Variants in CACNB2 observed in about 807,000 individuals in gnomAD.
CACNB2 encodes the protein voltage-dependent L-type calcium channel subunit beta-2.
Under a neutral mutation model 73.3 loss-of-function variants are expected in CACNB2, and 42 were observed. The observed-to-expected ratio is 0.57, with a 90% CI of 0.45 to 0.74. The LOEUF is 0.74. Among genes scored for constraint, CACNB2 ranks in the 30% least tolerant of loss-of-function variants. The pLI is 0.00. For missense variants in CACNB2, 940 were observed against 853.0 expected (o/e 1.10, Z -1.27); for synonymous variants, 348 against 310.3 (o/e 1.12, Z -1.28).
intron 2 of CACNB2, chr10:18,261,172 G>A: frequency 1.9e-6 from 3 of 1,547,570 alleles, no homozygotes; most frequent in Non-Finnish European, 2.6e-6. Flanking sequence ...TTACCTGGGA[G>A]TAGAAGGTGG....
Position 18,539,975 on chromosome 10 carries a change from C to CTGTT in CACNB2, c.*253_*256dup, listed in dbSNP as rs2053979950. The CTGTT allele has an allele frequency of 4.9e-6, 2 of 412,362 alleles. No individual in the cohort carries two copies. The highest frequency in any genetic ancestry group is 8.7e-6 in the Non-Finnish European group (2 of 230,550). 25.5% of individuals were successfully genotyped at this position (412,362 alleles called of 1,614,324 possible). ...GGTTGCATACTGGACTCTTCAAAAA[C>CTGTT]TGTTTTGGGTAGCTGCCACTTGAAC... is the stretch of plus-strand genomic sequence containing the variant. On this transcript the variant is annotated 3_prime_UTR_variant, in exon 14 of 14. Coordinates refer to ENST00000324631, the MANE Select transcript of CACNB2 (RefSeq NM_201596.3).
intron 2 of CACNB2, among the ~76,000 whole-genome samples, chr10:18,352,368 C>T (rs1238934212): frequency 2.0e-5 from 3 of 152,160 alleles, no homozygotes; most frequent in Non-Finnish European, 2.9e-5. Flanking sequence ...ATGAAGATAG[C>T]ACATGTCACC....
At chr10:18,418,494 G>C (rs185446488) in intron 3 of CACNB2, among the ~76,000 whole-genome samples, 1 of 152,290 alleles carries the variant, frequency 6.6e-6, no homozygotes, top group Non-Finnish European at 1.5e-5. Flanking sequence ...TTGAGTCCTC[G>C]TGGATGAACT....
chr10:18,286,824 A>T (rs963139681), intron 2 of CACNB2, among the ~76,000 whole-genome samples: 4 of 152,150 alleles, frequency 2.6e-5, no homozygotes, highest in Non-Finnish European at 2.9e-5. Flanking sequence ...CAGTATTCAT[A>T]TTTTAAAGCA....
chr10:18,384,191 A>C (rs1031453875), intron 2 of CACNB2, among the ~76,000 whole-genome samples: 1 of 152,190 alleles, frequency 6.6e-6, no homozygotes, highest in Admixed American at 6.5e-5. Context: ...TAGGACCAGC[A>C]TATGGTGTCT....
At chr10:18,208,324 T>A (rs76077446) in intron 2 of CACNB2, among the ~76,000 whole-genome samples, 7,431 of 152,134 alleles carry the variant, frequency 0.049, 223 homozygotes, top group African/African-American at 0.069. Flanking sequence ...AACTTTTTTT[T>A]AATTAGTGGA....
intron 2 of CACNB2, among the ~76,000 whole-genome samples, chr10:18,289,468 G>A (rs1407556497): frequency 6.7e-6 from 1 of 149,550 alleles, no homozygotes; most frequent in Admixed American, 6.7e-5. Context: ...CTAATTTTTT[G>A]TATTTTTAGT....
At chr10:18,481,062 T>C (rs1179201170) in intron 3 of CACNB2, among the ~76,000 whole-genome samples, 1 of 151,078 alleles carries the variant, frequency 6.6e-6, no homozygotes, top group Non-Finnish European at 1.5e-5. Context: ...AGGTCTTCCT[T>C]GTTGGCCACA....
chr10:18,472,323 A>G (rs1183561178), intron 3 of CACNB2, among the ~76,000 whole-genome samples: 3 of 139,322 alleles, frequency 2.2e-5, no homozygotes, highest in South Asian at 2.2e-4. Context: ...TGCAACCTCT[A>G]CCTCCTGGGT....
chr10:18,171,388 G>A (rs1007082762), intron 2 of CACNB2, among the ~76,000 whole-genome samples: 7 of 150,168 alleles, frequency 4.7e-5, no homozygotes, highest in Non-Finnish European at 8.9e-5. Flanking sequence ...TGGGCTGGGG[G>A]CAGGATGCTG....
At chr10:18,365,201 C>T (rs1334656096) in intron 2 of CACNB2, among the ~76,000 whole-genome samples, 2 of 152,034 alleles carry the variant, frequency 1.3e-5, no homozygotes, top group African/African-American at 2.4e-5. Flanking sequence ...GTTTCCTGCC[C>T]CTGAGTTTGG....
chr10:18,261,855 G>T, intron 2 of CACNB2: 1 of 500,296 alleles, frequency 2.0e-6, no homozygotes, highest in South Asian at 1.5e-5. Flanking sequence ...TTATTTCATG[G>T]CCCTGCTGTG....
In CACNB2 at chr10:18,539,498, G is replaced by A. The variant is rs747168096; in HGVS notation, c.1757G>A (p.Arg586His). ...CACGTGGACCACTATGCCTCACACC[G>A]TGACCACAACCACAGAGACGAGACC... Reference protein sequence around the residue: ...HDHVDHYASHRDHNHRDETHG... With the variant: ...HDHVDHYASHHDHNHRDETHG... Residue 586 changes from arginine to histidine, a missense_variant, in exon 14 of 14, where the codon CGT becomes CAT. Physicochemically the swap from Arg to His is conservative, Grantham distance 29. Transcript: ENST00000324631. The A allele has an allele frequency of 1.1e-5, 17 of 1,613,836 alleles. No homozygotes were observed. The highest frequency in any genetic ancestry group is 5.0e-5 in the Admixed American group (3 of 59,980).
At chr10:18,300,665 A>G (rs1192029573) in intron 2 of CACNB2, among the ~76,000 whole-genome samples, 1 of 152,144 alleles carries the variant, frequency 6.6e-6, no homozygotes, top group Admixed American at 6.5e-5. Flanking sequence ...CCTGGCCAGG[A>G]TAGTGAAACC....
intron 2 of CACNB2, among the ~76,000 whole-genome samples, chr10:18,316,819 C>T (rs1365381006): frequency 6.6e-6 from 1 of 152,136 alleles, no homozygotes; most frequent in Admixed American, 6.6e-5. Flanking sequence ...GTGGCTTCCT[C>T]CAGGTTCTCT....
At chr10:18,286,620 A>C (rs1332103085) in intron 2 of CACNB2, among the ~76,000 whole-genome samples, 1 of 143,204 alleles carries the variant, frequency 7.0e-6, no homozygotes, top group Non-Finnish European at 1.5e-5. Flanking sequence ...TAATGTTTTT[A>C]TGCATTTTCC....
At chr10:18,502,419 G>A (rs746797423) in intron 5 of CACNB2, among the ~76,000 whole-genome samples, 25 of 151,558 alleles carry the variant, frequency 1.6e-4, no homozygotes, top group Admixed American at 1.1e-3. Flanking sequence ...GGCCACGTGC[G>A]GTGGCTCACA....
At chr10:18,400,777 CTTCT>C in intron 2 of CACNB2, 1 of 1,391,472 alleles carries the variant, frequency 7.2e-7, no homozygotes, top group Non-Finnish European at 9.3e-7. Flanking sequence ...ATGCACTTGT[CTTCT>C]TTATTTTTAA....
chr10:18,493,019 T>TA lies in CACNB2; in HGVS notation c.334-5327dup, dbSNP rs201914909. 4.7e-3 allele frequency among the ~76,000 whole-genome samples: 709 copies of TA among 151,902 alleles called. 8 individuals carry two copies. Among genetic ancestry groups the TA allele is most frequent in the African/African-American group, 0.016 (662 of 41,426 alleles). Reference sequence around the variant, plus strand: ...TCAACCAACTGTGGATTGAAAATGTTAAAAAAAAATTACAACAATAAGAAT... The same window carrying TA: ...TCAACCAACTGTGGATTGAAAATGTTAAAAAAAAAATTACAACAATAAGAAT... On this transcript the variant is annotated intron_variant, in intron 3 of 13. Transcript: ENST00000324631.
Sources: gnomAD v4.1 joint callset for allele counts (sites outside exome capture counted in the v4.1 genomes callset) on GRCh38, gnomAD v4.1.1 for gene constraint, MANE v1.5 for transcripts, NCBI Gene and HGNC (gene_info 2026-07-23, HGNC 2026-07-21) for gene names.